The following NOX5 variants were observed in gnomAD, a reference collection of about 807,000 sequenced individuals.
NOX5 encodes NADPH oxidase, EF-hand calcium binding domain 5.
NOX5 carries 76 observed loss-of-function variants against 85.7 expected under a neutral mutation model. The observed-to-expected ratio is 0.89, with a 90% CI of 0.74 to 1.07. The LOEUF (loss-of-function observed/expected upper bound fraction) is 1.07, where lower values mean the gene tolerates loss of function less well. Ranked by LOEUF, NOX5 falls within the 50% of genes least tolerant of loss-of-function variation. NOX5 has a pLI of 0.00. For missense variants in NOX5, 973 were observed against 999.5 expected (o/e 0.97, Z 0.36); for synonymous variants, 405 against 401.4 (o/e 1.01, Z -0.11).
rs372895991 is a variant in NOX5 at position 69,026,601 on chromosome 15, G to T, written c.124G>T (p.Asp42Tyr). 5.0e-6 allele frequency: 8 copies of T among 1,614,096 alleles called. No individual in the cohort carries two copies. Among genetic ancestry groups the T allele is most frequent in the African/African-American group, 1.3e-5 (1 of 74,946 alleles). The change falls in exon 2 of 16, where the codon GAT (aspartate) becomes TAT (tyrosine). Residue 42 changes from aspartate to tyrosine, a missense_variant. Physicochemically the swap from Asp to Tyr is radical, Grantham distance 160 (BLOSUM62 -3). Coordinates refer to ENST00000388866, the MANE Select transcript of NOX5 (RefSeq NM_024505.4). ...GCAGTTTAAGACCATTGCAGGAGAA[G>T]ATGGGGAGATCAGCCTGCAAGAATT... ...TQQFKTIAGE[D>Y]GEISLQEFKA...
rs752556412 is a variant in NOX5 at position 69,046,848 on chromosome 15, C to T, written c.1674C>T (p.His558=). The T allele has an allele frequency of 5.1e-5, 83 of 1,613,710 alleles. No individual in the cohort carries two copies. The Middle Eastern group carries it at 9.9e-4, about 19-fold the overall frequency. The part of the protein sequence containing the change: ...SKGSEILLEK[H]KFCNIKCYID... ...GCTCTGAGATACTTTTGGAGAAACA[C>T]AAATTCTGTAACATCAAGGTGAGAG... Residue 558 remains histidine, a synonymous_variant, in exon 11 of 16, where the codon CAC becomes CAT. Coordinates refer to ENST00000388866, the MANE Select transcript of NOX5 (RefSeq NM_024505.4).
intron 10 of NOX5, among the ~76,000 whole-genome samples, chr15:69,045,598 CTT>C (rs752367580): frequency 1.2e-4 from 13 of 108,108 alleles, no homozygotes; most frequent in Non-Finnish European, 1.6e-4. Flanking sequence ...TTCTTTCTTT[CTT>C]TTTTTTTTCT....
chr15:69,022,874 C>T (rs995947798), intron 1 of NOX5: 58 of 409,866 alleles, frequency 1.4e-4, no homozygotes, highest in Admixed American at 2.3e-4. Context: ...TGGACTCAAG[C>T]ACAGCAAATG....
At chr15:69,015,733 G>T (rs556706625) in intron 1 of NOX5, among the ~76,000 whole-genome samples, 3 of 152,172 alleles carry the variant, frequency 2.0e-5, no homozygotes, top group Non-Finnish European at 4.4e-5. Flanking sequence ...CTTTTGGGCC[G>T]TGGAGGGCTG....
In NOX5 at chr15:69,028,361, C is replaced by T. The variant is rs904981839; in HGVS notation, c.321C>T (p.Ile107=). 33 of 1,599,136 alleles carry T rather than the reference C, an allele frequency of 2.1e-5. No homozygotes were observed. Among genetic ancestry groups the T allele is most frequent in the Admixed American group, 6.8e-5 (4 of 58,756 alleles). Residue 107 remains isoleucine (I), a synonymous_variant, in exon 3 of 16, where the codon ATC becomes ATT. Coordinates refer to ENST00000388866, the MANE Select transcript of NOX5 (RefSeq NM_024505.4). ...AATTCCTCTTCCAGGTGTATGACAT[C>T]GATGGTAAGGGCTCTTCCTGGGTGT... The part of the protein sequence containing the change: ...KLKFLFQVYD[I]DVCARQGASA...
At chr15:69,036,253 C>T (rs2050515019) in intron 7 of NOX5, among the ~76,000 whole-genome samples, 1 of 152,200 alleles carries the variant, frequency 6.6e-6, no homozygotes, top group Non-Finnish European at 1.5e-5. Flanking sequence ...CCCCACTCCA[C>T]TGCTTACTGG....
rs765278645 is a variant in NOX5 at position 69,048,994 on chromosome 15, T to C, written c.1935T>C (p.Ser645=). Residue 645 remains serine (S), a synonymous_variant, in exon 14 of 16, where the codon TCT becomes TCC. Coordinates refer to ENST00000388866, the MANE Select transcript of NOX5 (RefSeq NM_024505.4). ...TCTGGATCAACAGAGACCAGCGGTC[T>C]TTCGAGTGGTTTGTGAGCCTGCTGA... is the stretch of plus-strand genomic sequence containing the variant. ...DFIWINRDQR[S]FEWFVSLLTK... is the part of the protein sequence containing the mutation. 6.2e-7 allele frequency: 1 copy of C among 1,612,986 alleles called. No homozygotes were observed. Among genetic ancestry groups the C allele is most frequent in the Non-Finnish European group, 8.5e-7 (1 of 1,179,660 alleles).
At chr15:69,017,838 C>T (rs918974115) in intron 1 of NOX5, among the ~76,000 whole-genome samples, 2 of 152,026 alleles carry the variant, frequency 1.3e-5, no homozygotes, top group Non-Finnish European at 2.9e-5. Flanking sequence ...GCATAAGACA[C>T]ATGCCTATAA....
chr15:69,026,695 T>A (rs754381612), intron 2 of NOX5, 44 bp downstream of exon 2: 85 of 1,612,560 alleles, frequency 5.3e-5, no homozygotes, highest in Non-Finnish European at 6.8e-5. Context: ...TATCGTTATG[T>A]GGCCTGGTTC....
chr15:69,042,669 TC>T lies in NOX5; in HGVS notation c.1512del (p.Trp505GlyfsTer35). ...CCACTCTTCTCTTTCTCAGACACTA[TC>T]TGGCTGCACATTCGGTCCCAAGGCC... ...ISSAPEQKDTIWLHIRSQGQW... is the reference protein window; with the variant it reads ...ISSAPEQKDTXWLHIRSQGQW... On this transcript the variant is annotated frameshift_variant, in exon 10 of 16. Coordinates refer to ENST00000388866, the MANE Select transcript of NOX5 (RefSeq NM_024505.4). LOFTEE classifies it high-confidence loss of function. The T allele has an allele frequency of 6.2e-7, 1 of 1,613,300 alleles. No homozygotes were observed. The highest frequency in any genetic ancestry group is 1.1e-5 in the South Asian group (1 of 91,000).
At chr15:69,040,132 G>C (rs1040131399) in intron 9 of NOX5, among the ~76,000 whole-genome samples, 1 of 152,244 alleles carries the variant, frequency 6.6e-6, no homozygotes, top group Non-Finnish European at 1.5e-5. Context: ...GTAGACCCAA[G>C]GCCAGGGTTT....
chr15:69,050,564 GT>G (rs1260019130), intron 14 of NOX5, among the ~76,000 whole-genome samples: 3 of 152,088 alleles, frequency 2.0e-5, no homozygotes, highest in African/African-American at 7.2e-5. Flanking sequence ...CTAATTTTGT[GT>G]TTTTAGTAGA....
chr15:69,041,523 C>T (rs932352514), intron 9 of NOX5, among the ~76,000 whole-genome samples: 2 of 152,206 alleles, frequency 1.3e-5, no homozygotes, highest in Non-Finnish European at 2.9e-5. Context: ...GACTTTTTCA[C>T]GGTAAAAACC....
chr15:69,042,886 A>G (rs746767944), intron 10 of NOX5, 81 bp downstream of exon 10: 303 of 1,457,380 alleles, frequency 2.1e-4, no homozygotes, highest in Non-Finnish European at 2.7e-4. Flanking sequence ...CTCAGTGAGC[A>G]TCAATTATTG....
At position 69,060,436 on chromosome 15, in the gene NOX5, A is replaced by C. The variant is rs1221754589; in HGVS notation, c.*3740A>C. On this transcript the variant is annotated 3_prime_UTR_variant, in exon 16 of 16. Transcript: ENST00000388866. ...TCTGCTGTGTGACCTTGGGTGTATC[A>C]TTTGACCTCTCTGAGTTCTCACTTT... 2.0e-5 allele frequency: 3 copies of C among 152,224 alleles called. No homozygotes were observed. The highest frequency in any genetic ancestry group is 4.4e-5 in the Non-Finnish European group (3 of 68,040). 9.4% of individuals were successfully genotyped at this position (152,224 alleles called of 1,614,324 possible).
intron 2 of NOX5, 127 bp from the exon 3 acceptor site, chr15:69,028,088 G>A (rs2050381927): frequency 5.0e-6 from 5 of 1,006,676 alleles, no homozygotes; most frequent in Admixed American, 2.5e-5. Context: ...CCTGAGTTCT[G>A]CCTGAATACC....
In NOX5 at chr15:69,060,390, C is replaced by T. The variant is rs2140289036; in HGVS notation, c.*3694C>T. 6.6e-6 allele frequency: 1 copy of T among 152,328 alleles called. No individual in the cohort carries two copies. Among genetic ancestry groups the T allele is most frequent in the East Asian group, 1.9e-4 (1 of 5,184 alleles). The allele number at this position is 152,328 out of a possible 1,614,324, so 9.4% of individuals were successfully genotyped here. A position where few individuals can be genotyped will look rare whatever the true frequency, so the allele number is the denominator to read the frequency against. ...CCTCTGGGAGGCAGGGCACTGAGTC[C>T]TACACTTGCCTCTGCCACAGTCTGC... On this transcript the variant is annotated 3_prime_UTR_variant, in exon 16 of 16. Transcript: ENST00000388866.
intron 10 of NOX5, among the ~76,000 whole-genome samples, 161 bp downstream of exon 10, chr15:69,042,966 C>T (rs2050615029): frequency 6.6e-6 from 1 of 152,156 alleles, no homozygotes; most frequent in Non-Finnish European, 1.5e-5. Flanking sequence ...GTCCAAGAAC[C>T]TTCTCGAAGT....
At chr15:69,055,536 G>A in intron 15 of NOX5, 36 bp downstream of exon 15, 2 of 1,603,050 alleles carry the variant, frequency 1.2e-6, no homozygotes, top group East Asian at 2.2e-5. Context: ...TTGCAGGTAT[G>A]GATGAAGCTG....
Sources: gnomAD v4.1 joint callset for allele counts (sites outside exome capture counted in the v4.1 genomes callset) on GRCh38, gnomAD v4.1.1 for gene constraint, MANE v1.5 for transcripts, NCBI Gene and HGNC (gene_info 2026-07-23, HGNC 2026-07-21) for gene names.